Variants in SGCZ observed in about 807,000 individuals in gnomAD.
The protein encoded by SGCZ is zeta-sarcoglycan.
Under a neutral mutation model 41.3 loss-of-function variants are expected in SGCZ, and 40 were observed. The ratio of observed to expected loss-of-function variants is 0.97; its 90% CI spans 0.75 to 1.26. The LOEUF is 1.26. Ranked by LOEUF, SGCZ falls within the 50% of genes most tolerant of loss-of-function variation. SGCZ has a pLI of 0.00. For missense variants in SGCZ, 552 were observed against 369.8 expected (o/e 1.49, Z -4.04); for synonymous variants, 206 against 137.5 (o/e 1.50, Z -3.49).
intron 2 of SGCZ, among the ~76,000 whole-genome samples, chr8:14,418,657 C>T (rs1324459650): frequency 6.6e-6 from 1 of 151,800 alleles, no homozygotes; most frequent in Non-Finnish European, 1.5e-5. Context: ...GCAATTGAAA[C>T]TAAATATTTA....
At chr8:14,574,174 A>C (rs993535630) in intron 1 of SGCZ, among the ~76,000 whole-genome samples, 1 of 152,178 alleles carries the variant, frequency 6.6e-6, no homozygotes, top group Non-Finnish European at 1.5e-5. Context: ...GTAATGAATA[A>C]AGAATAAGCC....
In SGCZ at chr8:14,357,049, A is replaced by T. The variant is rs1181971944; in HGVS notation, c.235-32845T>A. On this transcript the variant is annotated intron_variant, in intron 2 of 7. Transcript: ENST00000382080. ...TATAATTATTTATAATTGAACTAAA[A>T]TATTTTATGCAAAAGTAAATGAAAT... Among the ~76,000 whole-genome samples the T allele has an allele frequency of 2.6e-5, 4 of 152,154 alleles. No individual in the cohort carries two copies. In the East Asian group the frequency reaches 7.7e-4, roughly 29 times the overall value.
intron 2 of SGCZ, among the ~76,000 whole-genome samples, chr8:14,333,348 T>C (rs74447356): frequency 0.015 from 2,326 of 152,108 alleles, 59 homozygotes; most frequent in African/African-American, 0.053. Flanking sequence ...AAATAATAAG[T>C]AATGGATTAA....
rs75580158 is a variant in SGCZ at position 15,078,393 on chromosome 8, T to A, written c.39+159192A>T. 1.0e-3 allele frequency among the ~76,000 whole-genome samples: 157 copies of A among 151,988 alleles called. 1 individual carries two copies. In the East Asian group the frequency reaches 0.029, roughly 28 times the overall value. ...ACCATACTCAGTAATAACAAATTCT[T>A]TGAATGTACTCTCTATCTCAGGTCA... is the stretch of plus-strand genomic sequence containing the variant. On this transcript the variant is annotated intron_variant, in intron 1 of 7. Coordinates refer to ENST00000382080, the MANE Select transcript of SGCZ (RefSeq NM_139167.4).
At chr8:14,424,853 G>A (rs992202970) in intron 2 of SGCZ, among the ~76,000 whole-genome samples, 5 of 151,982 alleles carry the variant, frequency 3.3e-5, no homozygotes, top group African/African-American at 7.3e-5. Flanking sequence ...TGATATCCTG[G>A]CTGATTTGAA....
intron 3 of SGCZ, among the ~76,000 whole-genome samples, chr8:14,297,018 T>A (rs1284345119): frequency 6.6e-6 from 1 of 152,004 alleles, no homozygotes; most frequent in Non-Finnish European, 1.5e-5. Flanking sequence ...TCCTCCCAGG[T>A]TCAAACGATT....
intron 1 of SGCZ, among the ~76,000 whole-genome samples, chr8:14,693,609 G>A (rs1255992094): frequency 7.8e-5 from 1 of 12,794 alleles, no homozygotes; most frequent in African/African-American, 1.5e-4. Context: ...TTTTTTTTTT[G>A]AGACGGAGTC....
At chr8:14,669,389 A>AAGTAAGTAAG (rs1563191230) in intron 1 of SGCZ, among the ~76,000 whole-genome samples, 10 of 24,096 alleles carry the variant, frequency 4.2e-4, no homozygotes, top group East Asian at 2.5e-3. Context: ...AAGTAAGTAA[A>AAGTAAGTAAG]TAAATAAATA....
Position 14,323,966 on chromosome 8 carries a change from G to C in SGCZ, c.336+137C>G, listed in dbSNP as rs1208641782. 1.4e-5 allele frequency: 8 copies of C among 570,226 alleles called. No homozygotes were observed. The East Asian group carries it at 1.8e-4, about 13-fold the overall frequency. 35.3% of individuals were successfully genotyped at this position (570,226 alleles called of 1,614,324 possible). On this transcript the variant is annotated intron_variant, in intron 3 of 7. Transcript: ENST00000382080. ...TGATTTTCAATGATGTTATCATTTT[G>C]ATTTCTAAACATAGGTGTTTAGCTT...
In SGCZ at chr8:14,681,013, G is replaced by A. The variant is rs1004729458; in HGVS notation, c.40-126087C>T. ...ATCGGTGAACCCTGGCACAATACCA[G>A]GAGATCTAACATACTTTTAATTGAA... On this transcript the variant is annotated intron_variant, in intron 1 of 7. Coordinates refer to ENST00000382080, the MANE Select transcript of SGCZ (RefSeq NM_139167.4). 2.1e-5 allele frequency among the ~76,000 whole-genome samples: 3 copies of A among 144,764 alleles called. No individual in the cohort carries two copies. In the South Asian group the frequency reaches 6.5e-4, roughly 31 times the overall value. 95.0% of individuals were successfully genotyped at this position (144,764 alleles called of 152,430 possible). A position where few individuals can be genotyped will look rare whatever the true frequency, so the allele number is the denominator to read the frequency against.
At chr8:14,197,815 A>G (rs1010448263) in intron 4 of SGCZ, among the ~76,000 whole-genome samples, 1 of 152,126 alleles carries the variant, frequency 6.6e-6, no homozygotes, top group Non-Finnish European at 1.5e-5. Context: ...CCAGAATAAT[A>G]CAACCAAGAA....
At chr8:14,469,289 T>C (rs77861771) in intron 2 of SGCZ, among the ~76,000 whole-genome samples, 5,429 of 152,190 alleles carry the variant, frequency 0.036, 298 homozygotes, top group African/African-American at 0.12. Context: ...GTGAAGGGTT[T>C]TTGCATTTTC....
intron 1 of SGCZ, among the ~76,000 whole-genome samples, chr8:14,973,091 G>C (rs1231761246): frequency 2.0e-5 from 3 of 151,960 alleles, no homozygotes; most frequent in Admixed American, 6.6e-5. Flanking sequence ...CTTTGTTCTG[G>C]GATACAGTTC....
chr8:14,763,466 T>G (rs1267662515), intron 1 of SGCZ, among the ~76,000 whole-genome samples: 4 of 152,206 alleles, frequency 2.6e-5, no homozygotes, highest in Non-Finnish European at 5.9e-5. Flanking sequence ...TATCTTAGCA[T>G]GTCTCTTTAT....
At chr8:14,458,739 C>G (rs1800818977) in intron 2 of SGCZ, among the ~76,000 whole-genome samples, 1 of 152,014 alleles carries the variant, frequency 6.6e-6, no homozygotes, top group Non-Finnish European at 1.5e-5. Context: ...TATCTATTTC[C>G]CAGCTCTGTC....
At chr8:14,979,539 C>G (rs908094877) in intron 1 of SGCZ, among the ~76,000 whole-genome samples, 1 of 152,136 alleles carries the variant, frequency 6.6e-6, no homozygotes, top group African/African-American at 2.4e-5. Context: ...TTAATGTAAA[C>G]TGCTACCTTA....
chr8:15,188,956 ACATT>A (rs1392164494), intron 1 of SGCZ, among the ~76,000 whole-genome samples: 1 of 152,146 alleles, frequency 6.6e-6, no homozygotes, highest in East Asian at 1.9e-4. Context: ...CTCCACTTTG[ACATT>A]CATCCTCCAT....
At chr8:14,362,036 G>T (rs1803534297) in intron 2 of SGCZ, among the ~76,000 whole-genome samples, 1 of 152,130 alleles carries the variant, frequency 6.6e-6, no homozygotes. Flanking sequence ...AAATATTGCT[G>T]CCTGATCCTT....
At chr8:15,137,016 G>A (rs1808134013) in intron 1 of SGCZ, among the ~76,000 whole-genome samples, 1 of 152,194 alleles carries the variant, frequency 6.6e-6, no homozygotes, top group Non-Finnish European at 1.5e-5. Flanking sequence ...TAGAAGACAG[G>A]AAGATGTGGG....
Sources: allele counts gnomAD v4.1 joint callset (sites outside exome capture counted in the v4.1 genomes callset), GRCh38; gene constraint gnomAD v4.1.1; transcripts MANE v1.5; gene names NCBI Gene and HGNC (gene_info 2026-07-23, HGNC 2026-07-21).